RNF135: variants seen among roughly 807,000 people sequenced by gnomAD.
RNF135 encodes the protein E3 ubiquitin-protein ligase RNF135.
A neutral mutation model predicts 41.9 loss-of-function variants in RNF135; 46 were observed. The observed-to-expected ratio is 1.10, with a 90% CI of 0.87 to 1.40. The LOEUF is 1.40. RNF135 is among the 40% of genes most tolerant of loss of function. The pLI is 0.00. For missense variants in RNF135, 539 were observed against 549.8 expected (o/e 0.98, Z 0.20); for synonymous variants, 238 against 223.8 (o/e 1.06, Z -0.57).
chr17:30,963,837 C>T, the RNF135 span, among the ~76,000 whole-genome samples: 2 of 152,002 alleles, frequency 1.3e-5, no homozygotes, highest in African/African-American at 4.8e-5. Flanking sequence ...GGGGTGAGGC[C>T]AGATGTGATG....
At chr17:30,967,897 C>T (rs1205915066), upstream of RNF135, among the ~76,000 whole-genome samples, 1 of 151,742 alleles carries the variant, frequency 6.6e-6, no homozygotes, top group African/African-American at 2.4e-5. Context: ...GAACTCCTGA[C>T]CTCATGATCC....
intron 1 of RNF135, chr17:30,971,721 C>T (rs1199329198): frequency 2.3e-6 from 3 of 1,310,136 alleles, no homozygotes; most frequent in East Asian, 6.7e-5. Flanking sequence ...TCTTCGGTCT[C>T]TTTCTCTGAA....
chr17:30,987,943 G>T lies in RNF135; in HGVS notation c.517-1G>T, dbSNP rs1309391093. The T allele has an allele frequency of 1.9e-6, 3 of 1,613,852 alleles. No homozygotes were observed. The highest frequency in any genetic ancestry group is 2.5e-6 in the Non-Finnish European group (3 of 1,179,794). On this transcript the variant is annotated splice_acceptor_variant, in intron 2 of 4. Coordinates refer to ENST00000328381, the MANE Select transcript of RNF135 (RefSeq NM_032322.4). LOFTEE classifies it high-confidence loss of function. ...TTCAGTTTTAAATGGTTTATCAATA[G>T]GCTTTTTCTTCTGGGGTGGATCTTT...
chr17:30,981,915 T>C (rs1907178512), intron 1 of RNF135, among the ~76,000 whole-genome samples: 2 of 152,236 alleles, frequency 1.3e-5, no homozygotes, highest in Admixed American at 6.5e-5. Flanking sequence ...GTCTGTGTGC[T>C]GAGCTGCCTG....
intron 1 of RNF135, chr17:30,975,672 C>T (rs554783658): frequency 2.1e-5 from 29 of 1,392,108 alleles, no homozygotes; most frequent in Non-Finnish European, 2.9e-5. Context: ...GGTGGAGTCA[C>T]CACCAGTGTC....
chr17:30,962,910 C>T, the RNF135 span, among the ~76,000 whole-genome samples: 1 of 152,160 alleles, frequency 6.6e-6, no homozygotes, highest in African/African-American at 2.4e-5. Context: ...GTTCCAGTTA[C>T]TCTATCACCA....
At chr17:30,959,660 A>G in the RNF135 span, 1 of 151,994 alleles carries the variant, frequency 6.6e-6, no homozygotes, top group Non-Finnish European at 1.5e-5. Context: ...GCACAATGCT[A>G]ATTGGGTGTC....
At chr17:30,971,863 C>T (rs546126367) in intron 1 of RNF135, 33 of 301,710 alleles carry the variant, frequency 1.1e-4, no homozygotes, top group South Asian at 6.7e-4. Context: ...GTGATCTCGG[C>T]TCACTGCAAC....
intron 1 of RNF135, among the ~76,000 whole-genome samples, chr17:30,979,673 A>T (rs1434565461): frequency 1.5e-5 from 1 of 67,392 alleles, no homozygotes; most frequent in Non-Finnish European, 2.9e-5. Flanking sequence ...GATCCCCCCC[A>T]CCTCCCTCCC....
chr17:30,964,560 C>T, the RNF135 span, among the ~76,000 whole-genome samples: 3 of 151,718 alleles, frequency 2.0e-5, no homozygotes, highest in African/African-American at 4.8e-5. Context: ...GGCAAGATTG[C>T]GCCAGTGCAC....
chr17:30,993,040 TTTA>T lies in RNF135; in HGVS notation c.680-4171_680-4169del, dbSNP rs58023443. 5.9e-3 allele frequency among the ~76,000 whole-genome samples: 856 copies of T among 146,266 alleles called. 11 individuals carry two copies. Among genetic ancestry groups the T allele is most frequent in the African/African-American group, 0.016 (629 of 38,754 alleles). ...ATCCTAGTGCATTTTGTTTTATTTGTTTATTATTATTATTATTATTATTATTAT... is the reference window on the plus strand; with the variant it reads ...ATCCTAGTGCATTTTGTTTTATTTGTTTATTATTATTATTATTATTATTAT... On this transcript the variant is annotated intron_variant, in intron 3 of 4. Coordinates refer to ENST00000328381, the MANE Select transcript of RNF135 (RefSeq NM_032322.4).
At chr17:30,984,585 G>A (rs1386344337) in intron 1 of RNF135, 32 bp from the exon 2 acceptor site, 2 of 1,613,708 alleles carry the variant, frequency 1.2e-6, no homozygotes, top group Non-Finnish European at 1.7e-6. Flanking sequence ...CAGTTTTATA[G>A]AACCCAGGAC....
At chr17:30,995,468 A>G (rs1412198002) in intron 3 of RNF135, among the ~76,000 whole-genome samples, 1 of 152,112 alleles carries the variant, frequency 6.6e-6, no homozygotes, top group Admixed American at 6.5e-5. Flanking sequence ...CCTGGCCTCA[A>G]GTGAGCCTGC....
chr17:30,986,332 G>A (rs576008786), intron 2 of RNF135, among the ~76,000 whole-genome samples: 179 of 152,130 alleles, frequency 1.2e-3, no homozygotes, highest in African/African-American at 4.1e-3. Context: ...GAGTAGCTGG[G>A]ACTACAGGTG....
chr17:30,974,900 A>G (rs946039154), intron 1 of RNF135, among the ~76,000 whole-genome samples: 25 of 151,048 alleles, frequency 1.7e-4, no homozygotes, highest in African/African-American at 5.1e-4. Context: ...CTGGTCTCAA[A>G]CTCTTGACCT....
At chr17:30,992,512 G>T (rs1366816005) in intron 3 of RNF135, among the ~76,000 whole-genome samples, 1 of 151,728 alleles carries the variant, frequency 6.6e-6, no homozygotes, top group African/African-American at 2.4e-5. Flanking sequence ...GTTTCCCAGG[G>T]TGGAGTGCAG....
At chr17:30,971,853 G>A (rs572224051) in intron 1 of RNF135, 7 of 388,790 alleles carry the variant, frequency 1.8e-5, no homozygotes, top group African/African-American at 8.8e-5. Flanking sequence ...AATGGCGTGC[G>A]TGATCTCGGC....
upstream of RNF135, chr17:30,970,538 C>A (rs1481928922): frequency 6.3e-6 from 1 of 157,838 alleles, no homozygotes; most frequent in African/African-American, 2.4e-5. Context: ...TCCCTGCGAG[C>A]GGGGCCGAAC....
At chr17:30,984,495 T>C (rs1907443448) in intron 1 of RNF135, 122 bp from the exon 2 acceptor site, 4 of 990,216 alleles carry the variant, frequency 4.0e-6, no homozygotes, top group Non-Finnish European at 6.3e-6. Context: ...CTCTATTGTA[T>C]TCCATCGGTC....
Sources: gnomAD v4.1 joint callset for allele counts (sites outside exome capture counted in the v4.1 genomes callset) on GRCh38, gnomAD v4.1.1 for gene constraint, MANE v1.5 for transcripts, NCBI Gene and HGNC (gene_info 2026-07-23, HGNC 2026-07-21) for gene names.